Variants in DLGAP2 observed in about 807,000 individuals in gnomAD.
DLGAP2 encodes DLG associated protein 2.
Under a neutral mutation model 100.3 loss-of-function variants are expected in DLGAP2, and 26 were observed. That is an observed-to-expected ratio of 0.26 (90% confidence interval 0.19 to 0.36). The LOEUF (loss-of-function observed/expected upper bound fraction) is 0.36. Ranked by LOEUF, DLGAP2 falls within the 10% of genes least tolerant of loss-of-function variation. DLGAP2 has a pLI of 1.00. For missense variants in DLGAP2, 1,858 were observed against 1,453.2 expected (o/e 1.28, Z -4.53); for synonymous variants, 886 against 630.1 (o/e 1.41, Z -6.08).
rs1301651678 is a variant in DLGAP2 at position 1,240,907 on chromosome 8, TCTCACATGGCACTGTGTCTA to T, written c.74-17943_74-17924del. Among the ~76,000 whole-genome samples the T allele has an allele frequency of 8.8e-3, 63 of 7,120 alleles. 8 individuals carry two copies. The highest frequency in any genetic ancestry group is 0.011 in the Admixed American group (12 of 1,106). 4.7% of individuals were successfully genotyped at this position (7,120 alleles called of 152,430 possible). On this transcript the variant is annotated intron_variant, in intron 2 of 14. Transcript: ENST00000637795. ...TCACACAGAGTATCGTGTCTAGTTC[TCTCACATGGCACTGTGTCTA>T]GTTCTCTCACATGGCGCCGTGTCTA...
intron 2 of DLGAP2, among the ~76,000 whole-genome samples, chr8:1,117,523 G>A (rs530469462): frequency 6.6e-6 from 1 of 151,920 alleles, no homozygotes; most frequent in South Asian, 2.1e-4. Context: ...CCTGAACCAA[G>A]ACGGCCTTTT....
chr8:1,508,248 G>C, intron 4 of DLGAP2, among the ~76,000 whole-genome samples: 1 of 138,074 alleles, frequency 7.2e-6, no homozygotes, highest in Non-Finnish European at 1.6e-5. Flanking sequence ...CCTGAAGGGC[G>C]GTGCCTGCTC....
chr8:1,204,575 A>G (rs1226012529), intron 2 of DLGAP2, among the ~76,000 whole-genome samples: 1 of 98,212 alleles, frequency 1.0e-5, no homozygotes, highest in Non-Finnish European at 1.8e-5. Context: ...TACACCTATG[A>G]TGTGATAGTT....
At chr8:1,622,334 A>T (rs1797365767) in intron 6 of DLGAP2, 1 of 152,328 alleles carries the variant, frequency 6.6e-6, no homozygotes, top group Admixed American at 6.5e-5. Context: ...CCTTAGCACA[A>T]CCTGCATAGA....
chr8:1,227,845 C>G (rs992357570), intron 2 of DLGAP2, among the ~76,000 whole-genome samples: 1 of 152,112 alleles, frequency 6.6e-6, no homozygotes, highest in Non-Finnish European at 1.5e-5. Context: ...AGAATTATAG[C>G]TAATAAAATT....
rs556576898 is a variant in DLGAP2 at position 1,336,696 on chromosome 8, T to A, written c.106+77813T>A. On this transcript the variant is annotated intron_variant, in intron 3 of 14. Coordinates refer to ENST00000637795, the MANE Select transcript of DLGAP2 (RefSeq NM_001346810.2). ...ACGTGTCTTGCTTCTGTTGAGCCACTCTTTTCTCACCCCTAAATAAGACAG... is the reference window on the plus strand; with the variant it reads ...ACGTGTCTTGCTTCTGTTGAGCCACACTTTTCTCACCCCTAAATAAGACAG... Among the ~76,000 whole-genome samples the A allele has an allele frequency of 2.6e-5, 4 of 152,312 alleles. No individual in the cohort carries two copies. The South Asian group carries it at 8.3e-4, about 32-fold the overall frequency.
chr8:990,338 C>T (rs1440372800), intron 2 of DLGAP2, among the ~76,000 whole-genome samples: 1 of 143,178 alleles, frequency 7.0e-6, no homozygotes, highest in African/African-American at 2.7e-5. Context: ...ACTCGGAGTT[C>T]CTGTTCTTCT....
chr8:1,571,706 G>C (rs1219654199), intron 6 of DLGAP2, among the ~76,000 whole-genome samples: 9 of 131,146 alleles, frequency 6.9e-5, no homozygotes, highest in Admixed American at 1.5e-4. Context: ...GGAGAGGAGA[G>C]AGGGTGAACT....
chr8:1,203,672 C>G lies in DLGAP2; in HGVS notation c.74-55179C>G, dbSNP rs138012957. Among the ~76,000 whole-genome samples the G allele has an allele frequency of 3.9e-5, 6 of 152,324 alleles. No homozygotes were observed. The East Asian group carries it at 7.7e-4, about 20-fold the overall frequency. On this transcript the variant is annotated intron_variant, in intron 2 of 14. Transcript: ENST00000637795. Reference sequence around the variant, plus strand: ...AAGGAATGGATGACGGTGCGAAGAACTGAGTTTATAGAAATCCCCTTATTC... The same window carrying G: ...AAGGAATGGATGACGGTGCGAAGAAGTGAGTTTATAGAAATCCCCTTATTC...
chr8:1,150,845 T>C (rs1194575595), intron 2 of DLGAP2, among the ~76,000 whole-genome samples: 2 of 152,226 alleles, frequency 1.3e-5, no homozygotes, highest in East Asian at 3.8e-4. Context: ...ATTTGAAATA[T>C]ATTAAACACC....
intron 2 of DLGAP2, among the ~76,000 whole-genome samples, chr8:944,318 C>T (rs1799264146): frequency 6.7e-6 from 1 of 149,242 alleles, no homozygotes; most frequent in African/African-American, 2.5e-5. Flanking sequence ...GATATGGTAA[C>T]CAGTCCATGT....
intron 3 of DLGAP2, among the ~76,000 whole-genome samples, chr8:1,357,591 G>A (rs996984813): frequency 6.6e-6 from 1 of 152,098 alleles, no homozygotes; most frequent in African/African-American, 2.4e-5. Flanking sequence ...TATTCTTACA[G>A]TTCCCTGGAA....
chr8:1,408,857 G>A (rs1259594251), intron 3 of DLGAP2, among the ~76,000 whole-genome samples: 3 of 152,102 alleles, frequency 2.0e-5, no homozygotes, highest in East Asian at 3.9e-4. Context: ...GGTGCGCAGG[G>A]CACAGAGAAG....
chr8:812,998 G>A (rs751845990), intron 1 of DLGAP2, among the ~76,000 whole-genome samples: 9 of 152,160 alleles, frequency 5.9e-5, no homozygotes, highest in Admixed American at 3.3e-4. Flanking sequence ...GCTGTGTGTC[G>A]TGTAAGTGAC....
At chr8:1,081,277 A>G (rs1803799408) in intron 2 of DLGAP2, among the ~76,000 whole-genome samples, 1 of 152,240 alleles carries the variant, frequency 6.6e-6, no homozygotes, top group East Asian at 1.9e-4. Context: ...TAAAAACTCA[A>G]TAAAAATTCA....
intron 3 of DLGAP2, among the ~76,000 whole-genome samples, chr8:1,279,898 G>A (rs1799781857): frequency 6.6e-6 from 1 of 152,196 alleles, no homozygotes; most frequent in African/African-American, 2.4e-5. Flanking sequence ...CGCCAAGGAA[G>A]GGGTTCATAC....
At chr8:1,389,469 G>A (rs767533844) in intron 3 of DLGAP2, among the ~76,000 whole-genome samples, 2 of 152,164 alleles carry the variant, frequency 1.3e-5, no homozygotes, top group African/African-American at 4.8e-5. Context: ...AGAGCTGGAA[G>A]AAGTGTCGAT....
At chr8:915,283 C>T (rs146037976) in intron 2 of DLGAP2, among the ~76,000 whole-genome samples, 2,400 of 152,258 alleles carry the variant, frequency 0.016, 68 homozygotes, top group African/African-American at 0.054. Flanking sequence ...CGCGGTGGCT[C>T]ACGCCTGTAA....
intron 2 of DLGAP2, among the ~76,000 whole-genome samples, chr8:1,025,170 C>G (rs187324610): frequency 7.2e-5 from 11 of 152,130 alleles, no homozygotes; most frequent in African/African-American, 2.2e-4. Flanking sequence ...GTGTGTGTGT[C>G]TTAATTAGTT....
Sources: allele counts gnomAD v4.1 joint callset (sites outside exome capture counted in the v4.1 genomes callset), GRCh38; gene constraint gnomAD v4.1.1; transcripts MANE v1.5; gene names NCBI Gene and HGNC (gene_info 2026-07-23, HGNC 2026-07-21).